The following ATP8A2 variants were observed in gnomAD, a reference collection of about 807,000 sequenced individuals.
ATP8A2 encodes the protein phospholipid-transporting ATPase IB.
In ATP8A2, 100 loss-of-function variants were observed where a neutral mutation model predicts 165.6. That is an observed-to-expected ratio of 0.60 (90% CI 0.51 to 0.71). ATP8A2 has a LOEUF of 0.71. ATP8A2 is among the 30% of genes least tolerant of loss of function. The pLI is 0.00. For synonymous variants in ATP8A2, 543 were observed against 548.8 expected (o/e 0.99, Z 0.15); for missense variants, 1,227 against 1,479.5 (o/e 0.83, Z 2.80).
Position 25,931,475 on chromosome 13 carries a change from G to A in ATP8A2, c.3184-30100G>A, listed in dbSNP as rs574244976. On this transcript the variant is annotated intron_variant, in intron 33 of 36. Coordinates refer to ENST00000381655, the MANE Select transcript of ATP8A2 (RefSeq NM_016529.6). ...CCTATGCTAAGCAGTTCGAATGTAA[G>A]ATGCCACAGAAGTGACTGTGCCCCA... 4.5e-4 allele frequency among the ~76,000 whole-genome samples: 68 copies of A among 152,234 alleles called. 1 individual carries two copies. The South Asian group carries it at 0.013, about 30-fold the overall frequency.
chr13:25,684,825 C>T (rs935144380), intron 24 of ATP8A2, among the ~76,000 whole-genome samples: 2 of 152,162 alleles, frequency 1.3e-5, no homozygotes, highest in African/African-American at 2.4e-5. Flanking sequence ...TCATTTCCCA[C>T]GTATTCCTGG....
chr13:25,382,818 C>G (rs375795331), intron 1 of ATP8A2, among the ~76,000 whole-genome samples: 2 of 151,322 alleles, frequency 1.3e-5, no homozygotes, highest in Non-Finnish European at 2.9e-5. Context: ...TGCAGTGGCA[C>G]GATCTCAGCT....
chr13:25,630,229 T>G (rs1002304307), intron 24 of ATP8A2, among the ~76,000 whole-genome samples: 2 of 152,174 alleles, frequency 1.3e-5, no homozygotes, highest in African/African-American at 4.8e-5. Flanking sequence ...TTTGTGGCCT[T>G]GAAGTGATTC....
intron 25 of ATP8A2, among the ~76,000 whole-genome samples, chr13:25,710,991 C>T (rs1361406661): frequency 1.3e-5 from 2 of 152,074 alleles, no homozygotes; most frequent in Non-Finnish European, 2.9e-5. Context: ...AAGATATATC[C>T]TGAGGTCCTC....
In ATP8A2 at chr13:25,492,311, CT is replaced by C. The variant is rs2036551757; in HGVS notation, c.221+23191del. ...CTTCAGGTGATCCACCCACCTCAGC[CT>C]CCCAGAGTGCTGGGATTACAGGCAT... On this transcript the variant is annotated intron_variant, in intron 2 of 36. Coordinates refer to ENST00000381655, the MANE Select transcript of ATP8A2 (RefSeq NM_016529.6). 2.0e-5 allele frequency among the ~76,000 whole-genome samples: 3 copies of C among 152,212 alleles called. No homozygotes were observed. In the South Asian group the frequency reaches 6.2e-4, roughly 31 times the overall value.
intron 27 of ATP8A2, among the ~76,000 whole-genome samples, chr13:25,800,153 C>T (rs565844744): frequency 1.3e-5 from 2 of 152,198 alleles, no homozygotes; most frequent in African/African-American, 2.4e-5. Flanking sequence ...CCCAGAGGTG[C>T]GATGTAACTT....
At chr13:25,430,697 A>G (rs1419665129) in intron 1 of ATP8A2, among the ~76,000 whole-genome samples, 1 of 152,116 alleles carries the variant, frequency 6.6e-6, no homozygotes, top group Non-Finnish European at 1.5e-5. Flanking sequence ...TCCCAGTTTC[A>G]AGCGATTCTC....
In ATP8A2 at chr13:25,491,415, A is replaced by G. The variant is rs565335931; in HGVS notation, c.221+22294A>G. Among the ~76,000 whole-genome samples, 18 of 150,920 alleles carry G rather than the reference A, an allele frequency of 1.2e-4. No homozygotes were observed. The South Asian group carries it at 3.6e-3, about 30-fold the overall frequency. On this transcript the variant is annotated intron_variant, in intron 2 of 36. Transcript: ENST00000381655. Reference sequence around the variant, plus strand: ...ACTTATTTATGATTATTTTGTAGAGATGGGGTCTTGCTATGTTGCCCAGCC... The same window carrying G: ...ACTTATTTATGATTATTTTGTAGAGGTGGGGTCTTGCTATGTTGCCCAGCC...
Position 25,635,375 on chromosome 13 carries a change from T to G in ATP8A2, c.2211+45676T>G, listed in dbSNP as rs565594056. ...ATAGTTTGGGGAGTGTTCTACTAAA[T>G]ATTTGTACTGCAGGCTGTGTAAATG... On this transcript the variant is annotated intron_variant, in intron 24 of 36. Transcript: ENST00000381655. Among the ~76,000 whole-genome samples, 80 of 152,282 alleles carry G rather than the reference T, an allele frequency of 5.3e-4. 1 individual carries two copies. The highest frequency in any genetic ancestry group is 1.9e-3 in the African/African-American group (78 of 41,558).
At chr13:25,996,553 CTTACT>C (rs1566337676) in intron 35 of ATP8A2, among the ~76,000 whole-genome samples, 21 of 152,274 alleles carry the variant, frequency 1.4e-4, no homozygotes, top group African/African-American at 5.1e-4. Context: ...GAGATGGAGT[CTTACT>C]CTGTTGCCCA....
intron 35 of ATP8A2, among the ~76,000 whole-genome samples, chr13:26,007,231 G>A (rs2139340371): frequency 6.6e-6 from 1 of 152,098 alleles, no homozygotes; most frequent in South Asian, 2.1e-4. Context: ...CAACATTATT[G>A]TTCATGAGAA....
chr13:25,884,323 G>T (rs1476242038), intron 33 of ATP8A2, among the ~76,000 whole-genome samples: 1 of 152,116 alleles, frequency 6.6e-6, no homozygotes, highest in African/African-American at 2.4e-5. Flanking sequence ...CACAGTGTTG[G>T]AGGAAGGAAA....
intron 1 of ATP8A2, among the ~76,000 whole-genome samples, chr13:25,424,356 C>T (rs1388683721): frequency 6.6e-6 from 1 of 152,178 alleles, no homozygotes; most frequent in African/African-American, 2.4e-5. Flanking sequence ...AGTGTTGTTT[C>T]AGCCTTAGAT....
chr13:25,641,774 A>G (rs968268168), intron 24 of ATP8A2, among the ~76,000 whole-genome samples: 6 of 151,950 alleles, frequency 3.9e-5, no homozygotes, highest in Non-Finnish European at 8.8e-5. Flanking sequence ...ATATGGAACC[A>G]AAAAAGAGCC....
At chr13:25,659,019 G>A (rs898948105) in intron 24 of ATP8A2, among the ~76,000 whole-genome samples, 3 of 152,098 alleles carry the variant, frequency 2.0e-5, no homozygotes, top group African/African-American at 7.2e-5. Context: ...AAGGTAGCAG[G>A]GCCTATCATA....
intron 24 of ATP8A2, among the ~76,000 whole-genome samples, chr13:25,672,096 C>T (rs1038077399): frequency 1.3e-5 from 2 of 152,216 alleles, no homozygotes; most frequent in Non-Finnish European, 2.9e-5. Context: ...CTATTTTGCT[C>T]AGTGGGGGAC....
At chr13:25,560,785 T>G (rs1325575315) in intron 15 of ATP8A2, among the ~76,000 whole-genome samples, 28 of 151,622 alleles carry the variant, frequency 1.8e-4, no homozygotes, top group Non-Finnish European at 2.9e-5. Context: ...AGAGTTTATC[T>G]CCTACTCTTG....
chr13:25,566,556 G>C (rs1018021620), intron 16 of ATP8A2, among the ~76,000 whole-genome samples: 1 of 152,142 alleles, frequency 6.6e-6, no homozygotes, highest in East Asian at 1.9e-4. Flanking sequence ...TGACATAGGA[G>C]CTCCGGAGAC....
intron 24 of ATP8A2, among the ~76,000 whole-genome samples, chr13:25,667,026 A>G (rs977633575): frequency 6.6e-6 from 1 of 152,216 alleles, no homozygotes; most frequent in Non-Finnish European, 1.5e-5. Flanking sequence ...ACTAACCATT[A>G]AAAGTGAACA....
Sources: allele counts gnomAD v4.1 joint callset (sites outside exome capture counted in the v4.1 genomes callset), GRCh38; gene constraint gnomAD v4.1.1; transcripts MANE v1.5; gene names NCBI Gene and HGNC (gene_info 2026-07-23, HGNC 2026-07-21).